KDM4C: variants seen among roughly 807,000 people sequenced by gnomAD.
The protein encoded by KDM4C is lysine demethylase 4C, also known as lysine-specific demethylase 4C.
KDM4C carries 81 observed loss-of-function variants against 129.3 expected under a neutral mutation model. The observed-to-expected ratio is 0.63, with a 90% CI of 0.52 to 0.75. The LOEUF is 0.75. KDM4C is among the 30% of genes least tolerant of loss of function. KDM4C has a pLI of 0.00. For missense variants in KDM4C, 1,457 were observed against 1,304.0 expected (o/e 1.12, Z -1.81); for synonymous variants, 573 against 456.1 (o/e 1.26, Z -3.26).
At chr9:6,884,274 C>T (rs1045988826) in intron 6 of KDM4C, among the ~76,000 whole-genome samples, 2 of 152,158 alleles carry the variant, frequency 1.3e-5, no homozygotes, top group Non-Finnish European at 1.5e-5. Flanking sequence ...GTAATATGTG[C>T]CTCTCATGTC....
At chr9:7,115,479 CA>C (rs1395006583) in intron 18 of KDM4C, among the ~76,000 whole-genome samples, 1 of 152,108 alleles carries the variant, frequency 6.6e-6, no homozygotes, top group African/African-American at 2.4e-5. Context: ...AACAGACACA[CA>C]ACAGCAAAGG....
chr9:6,814,874 G>A (rs1002107154), intron 4 of KDM4C, 129 bp downstream of exon 4: 4 of 478,418 alleles, frequency 8.4e-6, no homozygotes, highest in African/African-American at 6.0e-5. Flanking sequence ...AGGACAACAG[G>A]AAATATTCAT....
chr9:6,766,758 GC>G (rs1820709144), intron 1 of KDM4C, among the ~76,000 whole-genome samples: 2 of 151,880 alleles, frequency 1.3e-5, no homozygotes, highest in Admixed American at 1.3e-4. Flanking sequence ...GATGGGTAGT[GC>G]TGAACAGGAT....
chr9:7,101,385 A>T lies in KDM4C; in HGVS notation c.2425-2300A>T, dbSNP rs1837071532. On this transcript the variant is annotated intron_variant, in intron 17 of 21. Coordinates refer to ENST00000381309, the MANE Select transcript of KDM4C (RefSeq NM_015061.6). Reference sequence around the variant, plus strand: ...CAAACAAATGAAAATGGGGGTCTGAAATACTGCGTTAACTGTCTTACAGGA... The same window carrying T: ...CAAACAAATGAAAATGGGGGTCTGATATACTGCGTTAACTGTCTTACAGGA... Among the ~76,000 whole-genome samples, 2 of 152,210 alleles carry T rather than the reference A, an allele frequency of 1.3e-5. 1 individual carries two copies. Among genetic ancestry groups the T allele is most frequent in the South Asian group, 4.1e-4 (2 of 4,826 alleles).
intron 8 of KDM4C, among the ~76,000 whole-genome samples, chr9:6,971,569 A>T (rs866801667): frequency 6.6e-6 from 1 of 152,314 alleles, no homozygotes; most frequent in Middle Eastern, 3.4e-3. Flanking sequence ...TACATCAATG[A>T]TGATTCTACA....
intron 19 of KDM4C, among the ~76,000 whole-genome samples, chr9:7,130,186 G>A (rs1485589237): frequency 2.0e-5 from 3 of 152,222 alleles, no homozygotes; most frequent in Non-Finnish European, 4.4e-5. Flanking sequence ...ACCTTTTGGT[G>A]AGGAACACTG....
intron 2 of KDM4C, among the ~76,000 whole-genome samples, chr9:6,796,839 C>G (rs1827844046): frequency 6.6e-6 from 1 of 152,158 alleles, no homozygotes; most frequent in East Asian, 1.9e-4. Context: ...TACTTTCCCT[C>G]TTGTTCTGGA....
intron 8 of KDM4C, among the ~76,000 whole-genome samples, chr9:6,936,931 T>C (rs976360224): frequency 6.6e-6 from 1 of 152,228 alleles, no homozygotes; most frequent in Admixed American, 6.5e-5. Context: ...TGAGAAAATA[T>C]TCATTAAATG....
chr9:6,991,404 T>C (rs964981685), intron 12 of KDM4C, among the ~76,000 whole-genome samples: 8 of 152,046 alleles, frequency 5.3e-5, no homozygotes, highest in African/African-American at 1.7e-4. Context: ...CACCTTTCTT[T>C]TATAAAAAAG....
At chr9:6,998,500 A>G (rs1820171419) in intron 12 of KDM4C, among the ~76,000 whole-genome samples, 1 of 152,188 alleles carries the variant, frequency 6.6e-6, no homozygotes, top group African/African-American at 2.4e-5. Context: ...CTTTTATTAG[A>G]ACAATTGTTT....
At chr9:6,912,660 A>T (rs755371187) in intron 8 of KDM4C, among the ~76,000 whole-genome samples, 1 of 152,114 alleles carries the variant, frequency 6.6e-6, no homozygotes, top group Non-Finnish European at 1.5e-5. Flanking sequence ...GCTTTAACTA[A>T]TTTTGGTTTT....
At chr9:6,855,510 TTTTTCCCAG>T (rs1839657409) in intron 5 of KDM4C, among the ~76,000 whole-genome samples, 1 of 148,372 alleles carries the variant, frequency 6.7e-6, no homozygotes. Flanking sequence ...GTATAACGGA[TTTTTCCCAG>T]TGTTTGTAGT....
chr9:6,872,202 A>G (rs548287916), intron 5 of KDM4C, among the ~76,000 whole-genome samples: 2 of 152,300 alleles, frequency 1.3e-5, no homozygotes, highest in Admixed American at 6.5e-5. Flanking sequence ...GAAGGTTTTT[A>G]AACTGTAATA....
At chr9:7,031,351 G>C (rs1826724875) in intron 15 of KDM4C, among the ~76,000 whole-genome samples, 1 of 151,942 alleles carries the variant, frequency 6.6e-6, no homozygotes, top group Admixed American at 6.6e-5. Context: ...AGTAGAGACA[G>C]GGTTTCACCG....
intron 5 of KDM4C, among the ~76,000 whole-genome samples, chr9:6,858,741 C>T (rs2130387522): frequency 6.6e-6 from 1 of 151,144 alleles, no homozygotes; most frequent in East Asian, 1.9e-4. Flanking sequence ...CACTGCACTC[C>T]AGCCTGGGTG....
At chr9:6,769,781 G>A (rs1463359103) in intron 1 of KDM4C, among the ~76,000 whole-genome samples, 3 of 152,166 alleles carry the variant, frequency 2.0e-5, no homozygotes, top group Non-Finnish European at 4.4e-5. Context: ...GGACACATTT[G>A]TTTTGCTGTT....
chr9:6,836,911 A>G (rs1006823982), intron 4 of KDM4C, among the ~76,000 whole-genome samples: 6 of 152,022 alleles, frequency 3.9e-5, no homozygotes, highest in African/African-American at 1.2e-4. Flanking sequence ...CATCCCATAC[A>G]TGGTACCTGA....
At chr9:7,020,169 C>T (rs991908046) in intron 15 of KDM4C, among the ~76,000 whole-genome samples, 1 of 152,308 alleles carries the variant, frequency 6.6e-6, no homozygotes, top group East Asian at 1.9e-4. Flanking sequence ...GCTTCAATTG[C>T]ATATGCTTGA....
At chr9:7,067,943 C>G (rs1001461744) in intron 17 of KDM4C, among the ~76,000 whole-genome samples, 10 of 152,160 alleles carry the variant, frequency 6.6e-5, no homozygotes, top group African/African-American at 2.4e-4. Context: ...CTACAGGCGG[C>G]CACCACCACG....
Sources: gnomAD v4.1 joint callset for allele counts (sites outside exome capture counted in the v4.1 genomes callset) on GRCh38, gnomAD v4.1.1 for gene constraint, MANE v1.5 for transcripts, NCBI Gene and HGNC (gene_info 2026-07-23, HGNC 2026-07-21) for gene names.